Variants in EPHA5 observed in about 807,000 individuals in gnomAD.
The protein encoded by EPHA5 is EPH receptor A5, also known as ephrin type-A receptor 5.
In EPHA5, 60 loss-of-function variants were observed where a neutral mutation model predicts 105.0. The ratio of observed to expected loss-of-function variants is 0.57; its 90% CI spans 0.46 to 0.71. EPHA5 has a LOEUF of 0.71. Among genes scored for constraint, EPHA5 ranks in the 30% least tolerant of loss-of-function variants. EPHA5 has a pLI of 0.00. For synonymous variants in EPHA5, 513 were observed against 449.1 expected, an observed-to-expected ratio of 1.14 and a Z score of -1.80; for missense variants, 1,218 against 1,274.7, an observed-to-expected ratio of 0.96 and a Z score of 0.68.
At chr4:65,369,045 A>G (rs1329228990) in intron 8 of EPHA5, among the ~76,000 whole-genome samples, 2 of 152,088 alleles carry the variant, frequency 1.3e-5, no homozygotes, top group Non-Finnish European at 2.9e-5. Context: ...TAGTCATTTG[A>G]GTGCGCTTGT....
intron 14 of EPHA5, among the ~76,000 whole-genome samples, chr4:65,339,007 A>G (rs1721448014): frequency 6.6e-6 from 1 of 152,208 alleles, no homozygotes. Context: ...AATTAGAATG[A>G]GAATTTTTAC....
At chr4:65,387,172 G>A (rs1397757136) in intron 8 of EPHA5, among the ~76,000 whole-genome samples, 1 of 151,938 alleles carries the variant, frequency 6.6e-6, no homozygotes, top group East Asian at 1.9e-4. Flanking sequence ...AAGCAGGATT[G>A]ATAGTGATTT....
chr4:65,330,784 A>G, intron 16 of EPHA5: 1 of 1,026,334 alleles, frequency 9.7e-7, no homozygotes, highest in Non-Finnish European at 1.2e-6. Context: ...TGAGTGTCCA[A>G]AGAAATAATG....
At chr4:65,582,384 G>A (rs77623812) in intron 3 of EPHA5, among the ~76,000 whole-genome samples, 63 of 150,984 alleles carry the variant, frequency 4.2e-4, no homozygotes, top group African/African-American at 1.5e-3. Context: ...GCAAAGTCAG[G>A]TATTCTTTGC....
chr4:65,523,674 A>T (rs1044725207), intron 3 of EPHA5, among the ~76,000 whole-genome samples: 1 of 152,002 alleles, frequency 6.6e-6, no homozygotes, highest in Non-Finnish European at 1.5e-5. Flanking sequence ...AGTGAAGAAG[A>T]CAGACTTTAC....
At chr4:65,352,937 T>C in intron 12 of EPHA5, 105 bp downstream of exon 12, 1 of 637,830 alleles carries the variant, frequency 1.6e-6, no homozygotes. Flanking sequence ...ACTTAAGCTT[T>C]AAAGTGGCCC....
At chr4:65,467,000 C>T (rs1466068916) in intron 5 of EPHA5, among the ~76,000 whole-genome samples, 1 of 152,088 alleles carries the variant, frequency 6.6e-6, no homozygotes, top group Non-Finnish European at 1.5e-5. Context: ...AAATGAGACA[C>T]AGAAAAAGTG....
At chr4:65,381,936 A>T (rs1719603113) in intron 8 of EPHA5, among the ~76,000 whole-genome samples, 1 of 151,742 alleles carries the variant, frequency 6.6e-6, no homozygotes, top group African/African-American at 2.4e-5. Flanking sequence ...AAATATCAAC[A>T]CCTTAAAAAT....
At chr4:65,618,053 T>G (rs1183532722) in intron 2 of EPHA5, among the ~76,000 whole-genome samples, 1 of 152,198 alleles carries the variant, frequency 6.6e-6, no homozygotes, top group African/African-American at 2.4e-5. Flanking sequence ...AATTATTTGA[T>G]GGTATCTGAA....
At chr4:65,615,060 C>T (rs564961833) in intron 2 of EPHA5, among the ~76,000 whole-genome samples, 13 of 151,608 alleles carry the variant, frequency 8.6e-5, no homozygotes, top group African/African-American at 2.7e-4. Flanking sequence ...TGCAATTATG[C>T]TAAATTGTGT....
intron 3 of EPHA5, among the ~76,000 whole-genome samples, chr4:65,594,985 C>A (rs1743024269): frequency 6.6e-6 from 1 of 151,868 alleles, no homozygotes; most frequent in Non-Finnish European, 1.5e-5. Context: ...TTTTTATAAG[C>A]AAATACATTT....
intron 3 of EPHA5, among the ~76,000 whole-genome samples, chr4:65,537,064 A>C (rs975525128): frequency 1.1e-4 from 16 of 151,790 alleles, no homozygotes; most frequent in African/African-American, 3.9e-4. Flanking sequence ...TTGGGATCCA[A>C]AAATTAGAAC....
intron 3 of EPHA5, among the ~76,000 whole-genome samples, chr4:65,562,426 C>T (rs1739104813): frequency 1.3e-5 from 2 of 151,918 alleles, no homozygotes; most frequent in South Asian, 2.1e-4. Flanking sequence ...AGCTTAAACC[C>T]CCTCATGTTT....
intron 6 of EPHA5, among the ~76,000 whole-genome samples, chr4:65,418,628 G>C (rs1723621895): frequency 6.6e-6 from 1 of 152,128 alleles, no homozygotes; most frequent in African/African-American, 2.4e-5. Context: ...CTAGAAAGAT[G>C]ACTATTTCAA....
rs1577796243 is a variant in EPHA5, at chr4:65,321,143, A to T, written c.*2971T>A. ...CTGTTGAAAATTACTCCCTGTACCA[A>T]TTTTTCAAAGTCCAATACTGTGAAA... On this transcript the variant is annotated 3_prime_UTR_variant, in exon 17 of 17. Coordinates refer to ENST00000613740, the MANE Select transcript of EPHA5 (RefSeq NM_001281766.3). 1 of 230,592 alleles carries T rather than the reference A, an allele frequency of 4.3e-6. No individual in the cohort carries two copies. The highest frequency in any genetic ancestry group is 2.2e-5 in the African/African-American group (1 of 45,264). The allele number at this position is 230,592 out of a possible 1,614,324, so 14.3% of individuals were successfully genotyped here. A position where few individuals can be genotyped will look rare whatever the true frequency, so the allele number is the denominator to read the frequency against.
chr4:65,370,535 C>T (rs1451667462), intron 8 of EPHA5, among the ~76,000 whole-genome samples: 1 of 152,090 alleles, frequency 6.6e-6, no homozygotes, highest in African/African-American at 2.4e-5. Context: ...ATTCATCCAC[C>T]TTCAACTCTC....
At chr4:65,604,701 T>C (rs1744056069) in intron 2 of EPHA5, among the ~76,000 whole-genome samples, 1 of 151,014 alleles carries the variant, frequency 6.6e-6, no homozygotes, top group Non-Finnish European at 1.5e-5. Context: ...GAGAATATCT[T>C]GCTGTCCTCA....
At chr4:65,586,969 G>A (rs1412239768) in intron 3 of EPHA5, among the ~76,000 whole-genome samples, 2 of 152,102 alleles carry the variant, frequency 1.3e-5, no homozygotes, top group South Asian at 4.1e-4. Context: ...TCAATCATCA[G>A]AGAAGTAGCA....
At chr4:65,588,063 A>G (rs949077995) in intron 3 of EPHA5, among the ~76,000 whole-genome samples, 5 of 152,176 alleles carry the variant, frequency 3.3e-5, no homozygotes, top group African/African-American at 1.2e-4. Context: ...TCAATTTACC[A>G]CTTTCTAGTT....
Sources: allele counts gnomAD v4.1 joint callset (sites outside exome capture counted in the v4.1 genomes callset), GRCh38; gene constraint gnomAD v4.1.1; transcripts MANE v1.5; gene names NCBI Gene and HGNC (gene_info 2026-07-23, HGNC 2026-07-21).